TSHR: variants seen among roughly 807,000 people sequenced by gnomAD.
TSHR encodes the protein thyrotropin receptor.
Under a neutral mutation model 64.1 loss-of-function variants are expected in TSHR, and 51 were observed. The observed-to-expected ratio is 0.80, with a 90% CI of 0.64 to 1.01. The LOEUF is 1.01. Ranked by LOEUF, TSHR falls within the 50% of genes least tolerant of loss-of-function variation. The pLI, the probability that TSHR is intolerant of heterozygous loss-of-function variation, is 0.00. For synonymous variants in TSHR, 361 were observed against 361.9 expected (o/e 1.00, Z 0.03); for missense variants, 877 against 942.8 (o/e 0.93, Z 0.91).
chr14:81,091,054 T>A lies in TSHR; in HGVS notation c.393-15T>A. On this transcript the variant is annotated splice_polypyrimidine_tract_variant and intron_variant, in intron 4 of 9. Coordinates refer to ENST00000298171, the MANE Select transcript of TSHR (RefSeq NM_000369.5). ...AAATTCTATGCTTTTTTTTCTCTTT[T>A]TTTCATTAATTTAGTGGCATTTTCA... The A allele has an allele frequency of 1.2e-6, 2 of 1,606,484 alleles. No homozygotes were observed. Among genetic ancestry groups the A allele is most frequent in the Admixed American group, 1.7e-5 (1 of 60,004 alleles).
chr14:81,065,876 A>C (rs1186964354), intron 2 of TSHR, among the ~76,000 whole-genome samples: 1 of 152,218 alleles, frequency 6.6e-6, no homozygotes, highest in Non-Finnish European at 1.5e-5. Context: ...GATGGTTCAA[A>C]TTCCCACTTG....
intron 1 of TSHR, among the ~76,000 whole-genome samples, chr14:81,011,469 C>G (rs1889903891): frequency 6.6e-6 from 1 of 151,910 alleles, no homozygotes; most frequent in South Asian, 2.1e-4. Flanking sequence ...TCACAGTATT[C>G]TTTTAAGTTA....
intron 1 of TSHR, among the ~76,000 whole-genome samples, chr14:81,009,642 T>A (rs191172770): frequency 2.8e-4 from 43 of 152,306 alleles, no homozygotes; most frequent in African/African-American, 9.6e-4. Flanking sequence ...ATTTTCTGTA[T>A]CATTCTATAG....
At chr14:81,108,502 T>C (rs1287286069) in intron 8 of TSHR, 50 bp downstream of exon 8, 1 of 1,486,156 alleles carries the variant, frequency 6.7e-7, no homozygotes, top group South Asian at 1.2e-5. Flanking sequence ...TTCTTTTTTT[T>C]TTTTTGGAAT....
Position 80,959,996 on chromosome 14 carries a change from A to G in TSHR, c.170+4146A>G, listed in dbSNP as rs1051356078. Among the ~76,000 whole-genome samples the G allele has an allele frequency of 2.6e-5, 4 of 152,254 alleles. No individual in the cohort carries two copies. The East Asian group carries it at 5.8e-4, about 22-fold the overall frequency. The stretch of plus-strand genomic sequence containing the variant: ...AACTAAAGACAGAAAAAACAAAAAT[A>G]TAATTAAATTCTAGCTACAGACTAT... On this transcript the variant is annotated intron_variant, in intron 1 of 9. Coordinates refer to ENST00000298171, the MANE Select transcript of TSHR (RefSeq NM_000369.5).
chr14:81,037,934 C>A (rs1482957339), intron 1 of TSHR, among the ~76,000 whole-genome samples: 17 of 142,522 alleles, frequency 1.2e-4, no homozygotes, highest in South Asian at 2.2e-4. Flanking sequence ...TGAAAATCAG[C>A]AAAAAAAAAA....
At chr14:81,099,551 A>T (rs1889437108) in intron 7 of TSHR, 1 of 152,222 alleles carries the variant, frequency 6.6e-6, no homozygotes, top group Non-Finnish European at 1.5e-5. Flanking sequence ...ATCATGTGAG[A>T]GAAAGAAGGC....
chr14:81,098,675 G>A (rs921947157), intron 7 of TSHR, among the ~76,000 whole-genome samples: 1 of 152,134 alleles, frequency 6.6e-6, no homozygotes, highest in African/African-American at 2.4e-5. Flanking sequence ...TTAGCATAAA[G>A]GCAACAAAGA....
intron 9 of TSHR, among the ~76,000 whole-genome samples, chr14:81,141,548 G>A (rs1891687781): frequency 6.6e-6 from 1 of 152,220 alleles, no homozygotes; most frequent in Admixed American, 6.5e-5. Flanking sequence ...GTGCCTGGCT[G>A]TTGTAAATAG....
At chr14:81,099,429 C>G (rs1385100234) in intron 7 of TSHR, 1 of 152,184 alleles carries the variant, frequency 6.6e-6, no homozygotes, top group African/African-American at 2.4e-5. Context: ...ACATCCAACT[C>G]TGGCAAGTGC....
chr14:80,961,950 T>C (rs1031180834), intron 1 of TSHR, among the ~76,000 whole-genome samples: 33 of 152,296 alleles, frequency 2.2e-4, no homozygotes, highest in African/African-American at 7.5e-4. Flanking sequence ...CTTAGAAAAT[T>C]TGAAAACATC....
chr14:81,120,057 A>G (rs1164202505), intron 8 of TSHR, among the ~76,000 whole-genome samples: 4 of 127,326 alleles, frequency 3.1e-5, no homozygotes, highest in African/African-American at 9.0e-5. Context: ...GAGGGATAGC[A>G]TTGGGAGATA....
intron 3 of TSHR, among the ~76,000 whole-genome samples, chr14:81,074,633 G>C (rs891842197): frequency 2.0e-5 from 3 of 152,168 alleles, no homozygotes; most frequent in African/African-American, 7.2e-5. Context: ...TATTGTGTTG[G>C]ATTTGCTGCA....
At chr14:81,086,260 G>T (rs1305604704) in intron 3 of TSHR, among the ~76,000 whole-genome samples, 1 of 152,120 alleles carries the variant, frequency 6.6e-6, no homozygotes, top group Non-Finnish European at 1.5e-5. Context: ...TGAGGACAAT[G>T]GACCAGTAAG....
At chr14:80,993,671 G>T (rs1888859923) in intron 1 of TSHR, 1 of 152,034 alleles carries the variant, frequency 6.6e-6, no homozygotes, top group African/African-American at 2.4e-5. Flanking sequence ...TTTTCTTTCT[G>T]CACACCAATG....
intron 4 of TSHR, 28 bp downstream of exon 4, chr14:81,088,056 C>T: frequency 6.4e-7 from 1 of 1,554,282 alleles, no homozygotes; most frequent in East Asian, 2.2e-5. Context: ...TCCCATCCTA[C>T]TTTTCTGGGG....
At chr14:81,070,470 C>T (rs151193382) in intron 3 of TSHR, among the ~76,000 whole-genome samples, 4,054 of 151,148 alleles carry the variant, frequency 0.027, 208 homozygotes, top group African/African-American at 0.09. Flanking sequence ...CTACTAAAAA[C>T]ACAAAAATTT....
chr14:81,139,741 T>C lies in TSHR; in HGVS notation c.755T>C (p.Leu252Pro). Residue 252 changes from leucine to proline, a missense_variant, in exon 9 of 10, where the codon CTG (leucine) becomes CCG (proline). Leu to Pro is a moderately conservative substitution (Grantham distance 98, BLOSUM62 -3). Coordinates refer to ENST00000298171, the MANE Select transcript of TSHR (RefSeq NM_000369.5). ...AAAGGCCTGGAGCACCTGAAGGAAC[T>C]GATAGCAAGAAACACCTGGACTCTT... ...PSKGLEHLKELIARNTWTLKK... is the reference protein window; with the variant it reads ...PSKGLEHLKEPIARNTWTLKK... 6.2e-7 allele frequency: 1 copy of C among 1,614,216 alleles called. No homozygotes were observed. The highest frequency in any genetic ancestry group is 8.5e-7 in the Non-Finnish European group (1 of 1,180,032).
Position 81,103,240 on chromosome 14 carries a change from T to C in TSHR, c.615-5135T>C. 1 of 985,454 alleles carries C rather than the reference T, an allele frequency of 1.0e-6. No individual in the cohort carries two copies. Among genetic ancestry groups the C allele is most frequent in the Non-Finnish European group, 1.2e-6 (1 of 829,928 alleles). The allele number at this position is 985,454 out of a possible 1,614,324, so 61.0% of individuals were successfully genotyped here. On this transcript the variant is annotated intron_variant, in intron 7 of 9. Coordinates refer to ENST00000298171, the MANE Select transcript of TSHR (RefSeq NM_000369.5). The surrounding 1 kb of genome is among the most constrained non-coding windows in gnomAD (Gnocchi z 4.1). ...ATAGGGATGTTGCTTTTGGTGTCAA[T>C]GCTAATTAAGATTTTAAACTAAGGC...
Sources: allele counts gnomAD v4.1 joint callset (sites outside exome capture counted in the v4.1 genomes callset), GRCh38; gene constraint gnomAD v4.1.1; non-coding constraint Gnocchi (gnomAD v3.1); transcripts MANE v1.5; gene names NCBI Gene and HGNC (gene_info 2026-07-23, HGNC 2026-07-21).